ZBTB20: variants seen among roughly 807,000 people sequenced by gnomAD.
ZBTB20 encodes the protein zinc finger and BTB domain-containing protein 20.
In ZBTB20, 9 loss-of-function variants were observed where a neutral mutation model predicts 56.9. The observed-to-expected ratio is 0.16, with a 90% confidence interval of 0.10 to 0.28. ZBTB20 has a LOEUF of 0.28. Ranked by LOEUF, ZBTB20 falls within the 10% of genes least tolerant of loss-of-function variation. The pLI, the probability that ZBTB20 is intolerant of heterozygous loss-of-function variation, is 1.00. For missense variants in ZBTB20, 655 were observed against 1,003.0 expected (o/e 0.65, Z 4.69); for synonymous variants, 417 against 420.7 (o/e 0.99, Z 0.11).
intron 2 of ZBTB20, among the ~76,000 whole-genome samples, chr3:115,011,865 A>G (rs1025201021): frequency 3.3e-5 from 5 of 151,874 alleles, no homozygotes; most frequent in Non-Finnish European, 7.4e-5. Context: ...GAGACATAGT[A>G]CAGTAAGATA....
At chr3:114,504,861 A>G (rs1335615251) in intron 6 of ZBTB20, among the ~76,000 whole-genome samples, 1 of 152,184 alleles carries the variant, frequency 6.6e-6, no homozygotes, top group East Asian at 1.9e-4. Flanking sequence ...AATTTGAGAA[A>G]TTAGGAAACA....
intron 2 of ZBTB20, among the ~76,000 whole-genome samples, chr3:115,029,856 G>A (rs2080592730): frequency 6.6e-6 from 1 of 150,766 alleles, no homozygotes; most frequent in Non-Finnish European, 1.5e-5. Context: ...AAGCATAAAA[G>A]CAAAGGCAGA....
chr3:114,629,925 G>C (rs2058850041), intron 6 of ZBTB20, among the ~76,000 whole-genome samples: 1 of 152,108 alleles, frequency 6.6e-6, no homozygotes, highest in African/African-American at 2.4e-5. Context: ...GGGCCGAGGT[G>C]GGTCTTCAGC....
chr3:114,749,306 A>C (rs575440916), intron 5 of ZBTB20, among the ~76,000 whole-genome samples: 24 of 152,240 alleles, frequency 1.6e-4, no homozygotes, highest in African/African-American at 5.5e-4. Context: ...GTAATCCATG[A>C]ACTTTGGGAG....
intron 4 of ZBTB20, among the ~76,000 whole-genome samples, chr3:114,815,743 G>C (rs559034067): frequency 6.6e-6 from 1 of 151,644 alleles, no homozygotes; most frequent in East Asian, 1.9e-4. Context: ...ACACGCACAC[G>C]CACACACGAC....
chr3:114,339,470 T>C lies in ZBTB20; in HGVS notation c.1805-44A>G, dbSNP rs543083944. 6 of 1,569,014 alleles carry C rather than the reference T, an allele frequency of 3.8e-6. No individual in the cohort carries two copies. In the Admixed American group the frequency reaches 5.3e-5, roughly 14 times the overall value. On this transcript the variant is annotated intron_variant, in intron 11 of 11. Coordinates refer to ENST00000675478, the MANE Select transcript of ZBTB20 (RefSeq NM_001348800.3). The surrounding 1 kb of genome is among the most constrained non-coding windows in gnomAD (Gnocchi z 4.2). ...ACAGCAAGCAGGACAGAGCGAGACA[T>C]AGCAAGGGATAGAGAATGAAGGACA...
intron 6 of ZBTB20, among the ~76,000 whole-genome samples, chr3:114,562,165 G>A (rs1005683267): frequency 6.6e-6 from 1 of 151,314 alleles, no homozygotes; most frequent in Non-Finnish European, 1.5e-5. Flanking sequence ...AGGGAATGTT[G>A]TGGCTGGTTT....
intron 6 of ZBTB20, among the ~76,000 whole-genome samples, chr3:114,626,615 C>T (rs911315854): frequency 1.3e-5 from 2 of 152,102 alleles, no homozygotes; most frequent in African/African-American, 4.8e-5. Flanking sequence ...GTATGTTAAA[C>T]ATTATACTTG....
chr3:114,756,290 C>T (rs1328383529), intron 5 of ZBTB20, among the ~76,000 whole-genome samples: 2 of 152,136 alleles, frequency 1.3e-5, no homozygotes, highest in East Asian at 3.9e-4. Context: ...TATAGATTCA[C>T]TTGACTGCAG....
intron 6 of ZBTB20, chr3:114,623,974 A>G (rs770352236): frequency 6.6e-6 from 1 of 152,144 alleles, no homozygotes; most frequent in Non-Finnish European, 1.5e-5. Context: ...AATCTTCATC[A>G]TTCCATTTGA....
intron 4 of ZBTB20, among the ~76,000 whole-genome samples, chr3:114,855,729 C>A (rs1431619757): frequency 5.9e-5 from 9 of 152,174 alleles, no homozygotes; most frequent in African/African-American, 1.9e-4. Context: ...GAGGAAGATA[C>A]ACTGCTGAGT....
intron 6 of ZBTB20, among the ~76,000 whole-genome samples, chr3:114,580,565 C>T (rs561055151): frequency 6.6e-6 from 1 of 151,834 alleles, no homozygotes; most frequent in African/African-American, 2.4e-5. Flanking sequence ...TTATTTACTG[C>T]TGACATACAT....
intron 2 of ZBTB20, among the ~76,000 whole-genome samples, chr3:115,032,537 T>G (rs1321037538): frequency 1.3e-5 from 2 of 151,206 alleles, no homozygotes; most frequent in African/African-American, 4.8e-5. Flanking sequence ...ACAATAACAA[T>G]AAAACAGACA....
intron 6 of ZBTB20, among the ~76,000 whole-genome samples, chr3:114,578,998 T>C (rs1419320626): frequency 1.3e-5 from 2 of 151,836 alleles, no homozygotes; most frequent in Admixed American, 6.6e-5. Context: ...TGATACTTAA[T>C]AGGTAATTAA....
chr3:114,582,829 G>A (rs2054794116), intron 6 of ZBTB20, among the ~76,000 whole-genome samples: 1 of 152,180 alleles, frequency 6.6e-6, no homozygotes, highest in African/African-American at 2.4e-5. Context: ...GCACTTCACA[G>A]CCAAACATGC....
chr3:115,021,788 T>C (rs1354894699), intron 2 of ZBTB20, among the ~76,000 whole-genome samples: 2 of 150,846 alleles, frequency 1.3e-5, no homozygotes, highest in African/African-American at 4.8e-5. Flanking sequence ...GAAATGTTTG[T>C]ATATTTGTCA....
At chr3:114,678,450 G>A (rs1428233930) in intron 6 of ZBTB20, among the ~76,000 whole-genome samples, 6 of 152,152 alleles carry the variant, frequency 3.9e-5, no homozygotes, top group Non-Finnish European at 8.8e-5. Context: ...ATAGGATATT[G>A]TTAATACTGC....
chr3:114,451,508 A>G (rs575157124), intron 7 of ZBTB20, among the ~76,000 whole-genome samples: 18 of 152,150 alleles, frequency 1.2e-4, no homozygotes, highest in Non-Finnish European at 1.9e-4. Context: ...CAGTATACTG[A>G]AATAATTAAA....
intron 3 of ZBTB20, among the ~76,000 whole-genome samples, chr3:114,950,061 C>T (rs1205951933): frequency 6.6e-6 from 1 of 152,076 alleles, no homozygotes; most frequent in Non-Finnish European, 1.5e-5. Context: ...GCTACCATGT[C>T]ACACATGCCT....
Sources: gnomAD v4.1 joint callset for allele counts (sites outside exome capture counted in the v4.1 genomes callset) on GRCh38, gnomAD v4.1.1 for gene constraint, Gnocchi (gnomAD v3.1) non-coding constraint, MANE v1.5 for transcripts, NCBI Gene and HGNC (gene_info 2026-07-23, HGNC 2026-07-21) for gene names.